Variants in RBFOX1 observed in about 807,000 individuals in gnomAD.
The protein encoded by RBFOX1 is RNA binding protein fox-1 homolog 1.
A neutral mutation model predicts 57.7 loss-of-function variants in RBFOX1; 8 were observed. That is an observed-to-expected ratio of 0.14 (90% confidence interval 0.08 to 0.25). The LOEUF (loss-of-function observed/expected upper bound fraction) is 0.25, where lower values mean the gene tolerates loss of function less well. RBFOX1 is among the 10% of genes least tolerant of loss of function. The pLI is 1.00. For missense variants in RBFOX1, 611 were observed against 548.5 expected, an observed-to-expected ratio of 1.11 and a Z score of -1.14; for synonymous variants, 326 against 222.4, an observed-to-expected ratio of 1.47 and a Z score of -4.15.
At chr16:7,684,573 T>C (rs2075649894) in intron 14 of RBFOX1, among the ~76,000 whole-genome samples, 2 of 151,910 alleles carry the variant, frequency 1.3e-5, no homozygotes, top group African/African-American at 2.4e-5. Context: ...GCCACACATA[T>C]GATAAGCTAA....
intron 4 of RBFOX1, among the ~76,000 whole-genome samples, chr16:7,406,475 G>T (rs529646544): frequency 1.3e-5 from 2 of 152,196 alleles, no homozygotes; most frequent in African/African-American, 4.8e-5. Context: ...AGGGTGGATG[G>T]ATGTGGGTTT....
chr16:6,410,818 G>A (rs2093436462), intron 2 of RBFOX1, among the ~76,000 whole-genome samples: 2 of 152,150 alleles, frequency 1.3e-5, no homozygotes, highest in African/African-American at 4.8e-5. Context: ...AAACCTACCT[G>A]GAAGTAGGCA....
chr16:5,756,576 C>A (rs2053405082), intron 3 of RBFOX1, among the ~76,000 whole-genome samples: 1 of 152,172 alleles, frequency 6.6e-6, no homozygotes, highest in Non-Finnish European at 1.5e-5. Flanking sequence ...AAGACCCATT[C>A]CTTCTGGAGC....
chr16:6,746,192 T>C (rs2073584234), intron 3 of RBFOX1, among the ~76,000 whole-genome samples: 1 of 152,126 alleles, frequency 6.6e-6, no homozygotes, highest in African/African-American at 2.4e-5. Flanking sequence ...TCTCCCCTAA[T>C]TGATCTGTAG....
At chr16:7,494,009 A>G (rs2067780822) in intron 4 of RBFOX1, among the ~76,000 whole-genome samples, 1 of 152,094 alleles carries the variant, frequency 6.6e-6, no homozygotes, top group South Asian at 2.1e-4. Flanking sequence ...GGCACCTTTT[A>G]TTTTTTGAGA....
intron 4 of RBFOX1, among the ~76,000 whole-genome samples, chr16:7,378,215 G>T (rs2147798546): frequency 6.6e-6 from 1 of 152,300 alleles, no homozygotes; most frequent in East Asian, 1.9e-4. Context: ...AGGAAGCTGC[G>T]ATGAGTGTGT....
At chr16:5,896,286 G>C (rs2058161855) in intron 4 of RBFOX1, among the ~76,000 whole-genome samples, 1 of 152,112 alleles carries the variant, frequency 6.6e-6, no homozygotes, top group Admixed American at 6.5e-5. Flanking sequence ...TCCTAATGTT[G>C]GAGGTGGGGC....
intron 2 of RBFOX1, among the ~76,000 whole-genome samples, chr16:6,503,141 C>G (rs537383966): frequency 6.6e-6 from 1 of 152,254 alleles, no homozygotes; most frequent in East Asian, 1.9e-4. Context: ...GATGCTGAGA[C>G]TTCATGGTAG....
At chr16:6,472,298 G>A (rs2153081918) in intron 2 of RBFOX1, among the ~76,000 whole-genome samples, 1 of 152,274 alleles carries the variant, frequency 6.6e-6, no homozygotes, top group South Asian at 2.1e-4. Flanking sequence ...AGAAATGATT[G>A]GTATCTCTAT....
chr16:6,916,698 A>G (rs1162352994), intron 3 of RBFOX1, among the ~76,000 whole-genome samples: 3 of 152,086 alleles, frequency 2.0e-5, no homozygotes, highest in Non-Finnish European at 4.4e-5. Context: ...GGCCGCAGTT[A>G]TGCCCATTCC....
intron 1 of RBFOX1, among the ~76,000 whole-genome samples, chr16:6,259,519 A>G (rs2097688757): frequency 6.6e-6 from 1 of 151,966 alleles, no homozygotes; most frequent in Non-Finnish European, 1.5e-5. Context: ...TCTCTCCTCA[A>G]ACTCACTTTG....
At chr16:5,380,910 A>G (rs748594408) in intron 1 of RBFOX1, among the ~76,000 whole-genome samples, 29 of 152,254 alleles carry the variant, frequency 1.9e-4, no homozygotes, top group Non-Finnish European at 3.4e-4. Context: ...GAGATAAAGA[A>G]TGCTTTGTGA....
At chr16:6,789,421 A>G (rs981114721) in intron 3 of RBFOX1, among the ~76,000 whole-genome samples, 4 of 152,194 alleles carry the variant, frequency 2.6e-5, no homozygotes, top group African/African-American at 9.6e-5. Flanking sequence ...TTTAAGACAA[A>G]GAAAGTGAAG....
At chr16:6,415,274 C>G (rs1054194187) in intron 2 of RBFOX1, among the ~76,000 whole-genome samples, 3 of 146,406 alleles carry the variant, frequency 2.0e-5, no homozygotes, top group Non-Finnish European at 3.0e-5. Context: ...AAATAGCGTT[C>G]AGGTTGAGAA....
intron 4 of RBFOX1, among the ~76,000 whole-genome samples, chr16:7,142,990 T>G (rs1486081089): frequency 6.6e-6 from 1 of 151,988 alleles, no homozygotes; most frequent in African/African-American, 2.4e-5. Context: ...ACTCCAAAAT[T>G]GGGACTGGGT....
chr16:7,065,249 T>C (rs1055548818), intron 4 of RBFOX1, among the ~76,000 whole-genome samples: 1 of 152,186 alleles, frequency 6.6e-6, no homozygotes, highest in African/African-American at 2.4e-5. Flanking sequence ...TATCTAGCTT[T>C]CTTGTAGCGA....
intron 3 of RBFOX1, among the ~76,000 whole-genome samples, chr16:7,032,177 TTC>T (rs2153693161): frequency 6.6e-6 from 1 of 152,094 alleles, no homozygotes; most frequent in Non-Finnish European, 1.5e-5. Flanking sequence ...GTAATCCCAG[TTC>T]TTTGGGAGGC....
chr16:7,467,275 T>A (rs766705106), intron 4 of RBFOX1, among the ~76,000 whole-genome samples: 3 of 152,158 alleles, frequency 2.0e-5, no homozygotes, highest in African/African-American at 7.2e-5. Context: ...GAACAAGTGC[T>A]AAAGACAGAC....
chr16:6,170,216 G>A (rs545512379), intron 1 of RBFOX1, among the ~76,000 whole-genome samples: 2 of 152,252 alleles, frequency 1.3e-5, no homozygotes, highest in Admixed American at 6.5e-5. Context: ...AGTCCATGAG[G>A]TAATGAGAGA....
Sources: allele counts gnomAD v4.1 joint callset (sites outside exome capture counted in the v4.1 genomes callset), GRCh38; gene constraint gnomAD v4.1.1; transcripts MANE v1.5; gene names NCBI Gene and HGNC (gene_info 2026-07-23, HGNC 2026-07-21).